GSTO2: variants seen among roughly 807,000 people sequenced by gnomAD.
The protein encoded by GSTO2 is glutathione S-transferase omega-2.
A neutral mutation model predicts 28.4 loss-of-function variants in GSTO2; 23 were observed. The observed-to-expected ratio is 0.81, with a 90% CI of 0.58 to 1.15. The LOEUF (loss-of-function observed/expected upper bound fraction) is 1.15, where lower values mean the gene tolerates loss of function less well. Ranked by LOEUF, GSTO2 falls within the 50% of genes most tolerant of loss-of-function variation. GSTO2 has a pLI of 0.00. For synonymous variants in GSTO2, 109 were observed against 111.0 expected, an observed-to-expected ratio of 0.98 and a Z score of 0.11; for missense variants, 298 against 297.8, an observed-to-expected ratio of 1.00 and a Z score of 0.00.
intron 4 of GSTO2, 124 bp from the exon 5 acceptor site, chr10:104,279,246 G>T (rs1401526626): frequency 2.9e-6 from 2 of 691,736 alleles, no homozygotes; most frequent in African/African-American, 3.6e-5. Context: ...CAGGGAGCTG[G>T]GGGGTCTGAT....
chr10:104,269,603 G>A (rs1029827687), intron 1 of GSTO2, among the ~76,000 whole-genome samples: 1 of 152,226 alleles, frequency 6.6e-6, no homozygotes, highest in African/African-American at 2.4e-5. Context: ...AGTCCCACGT[G>A]TTTACGTGTT....
At chr10:104,276,374 T>C (rs1489025740) in intron 3 of GSTO2, among the ~76,000 whole-genome samples, 2 of 152,252 alleles carry the variant, frequency 1.3e-5, no homozygotes, top group Non-Finnish European at 2.9e-5. Flanking sequence ...TAGGAGCTGA[T>C]GTATTTCCTT....
intron 5 of GSTO2, among the ~76,000 whole-genome samples, chr10:104,293,327 G>T (rs2012861144): frequency 1.3e-5 from 2 of 152,134 alleles, no homozygotes; most frequent in Non-Finnish European, 2.9e-5. Context: ...GAAACAGGAA[G>T]GAAAACCGTA....
chr10:104,275,485 C>CT (rs1320513749), intron 3 of GSTO2, 151 bp downstream of exon 3: 95 of 652,498 alleles, frequency 1.5e-4, no homozygotes, highest in South Asian at 2.1e-4. Flanking sequence ...AAAGGGCGAG[C>CT]TTTTTTTTAG....
intron 5 of GSTO2, among the ~76,000 whole-genome samples, chr10:104,280,593 C>T (rs980591409): frequency 1.1e-4 from 16 of 152,110 alleles, no homozygotes; most frequent in African/African-American, 3.9e-4. Flanking sequence ...GAAATGGGTG[C>T]GGTGGCAGGA....
intron 4 of GSTO2, among the ~76,000 whole-genome samples, chr10:104,278,512 C>T (rs561133280): frequency 1.2e-3 from 185 of 152,194 alleles, no homozygotes; most frequent in African/African-American, 4.2e-3. Context: ...GACGGAGTCT[C>T]GCTCTGTCAC....
At chr10:104,295,535 G>T (rs1266524007) in intron 5 of GSTO2, 1 of 152,348 alleles carries the variant, frequency 6.6e-6, no homozygotes, top group Admixed American at 6.5e-5. Flanking sequence ...TATTTACTCA[G>T]TGGGGCCAGA....
At chr10:104,298,951 A>C (rs2013165737) in intron 6 of GSTO2, among the ~76,000 whole-genome samples, 177 bp from the exon 7 acceptor site, 1 of 152,256 alleles carries the variant, frequency 6.6e-6, no homozygotes, top group African/African-American at 2.4e-5. Flanking sequence ...ACATTCAACT[A>C]TTCCAAAAAT....
intron 5 of GSTO2, chr10:104,296,076 C>A (rs1240558998): frequency 6.6e-6 from 1 of 152,168 alleles, no homozygotes; most frequent in Non-Finnish European, 1.5e-5. Flanking sequence ...TTTGGGAAGA[C>A]CTGTACCAAC....
chr10:104,285,991 G>T (rs1207887173), intron 5 of GSTO2: 2 of 355,906 alleles, frequency 5.6e-6, no homozygotes, highest in Admixed American at 3.7e-5. Context: ...ACAATTTTCT[G>T]TATCCTTTTA....
intron 5 of GSTO2, among the ~76,000 whole-genome samples, chr10:104,292,862 A>G (rs146956510): frequency 1.4e-3 from 207 of 152,338 alleles, no homozygotes; most frequent in Non-Finnish European, 2.2e-3. Context: ...TCTAGATCTA[A>G]CACCCATTTT....
intron 5 of GSTO2, chr10:104,291,481 ACTG>A (rs1050117037): frequency 6.6e-6 from 1 of 150,510 alleles, no homozygotes; most frequent in African/African-American, 2.5e-5. Context: ...TCTCGCGAAA[ACTG>A]CAGATTTCTT....
At chr10:104,273,944 C>T (rs2011516952) in intron 1 of GSTO2, among the ~76,000 whole-genome samples, 2 of 152,274 alleles carry the variant, frequency 1.3e-5, no homozygotes, top group South Asian at 4.1e-4. Flanking sequence ...CTACAAAATG[C>T]ATTTACAAGC....
rs372755366 is a variant in GSTO2, at chr10:104,279,453, A to G, written c.450A>G (p.Glu150=). 4 of 1,613,878 alleles carry G rather than the reference A, an allele frequency of 2.5e-6. No individual in the cohort carries two copies. The African/African-American group carries it at 4.0e-5, about 16-fold the overall frequency. The stretch of plus-strand genomic sequence containing the variant: ...ATCTGAAGGCAGCCCTGCGTCAGGA[A>G]TTCAGCAACCTGGAAGAGGTACAAA... ...CTNLKAALRQ[E]FSNLEEILEY... Residue 150 remains glutamate, a synonymous_variant, in exon 5 of 7, where the codon GAA becomes GAG. Coordinates refer to ENST00000338595, the MANE Select transcript of GSTO2 (RefSeq NM_183239.2).
intron 5 of GSTO2, among the ~76,000 whole-genome samples, chr10:104,282,076 A>G (rs778659925): frequency 6.6e-6 from 1 of 151,792 alleles, no homozygotes; most frequent in Non-Finnish European, 1.5e-5. Context: ...GATGGTGAGT[A>G]ATTGAAGCCT....
intron 5 of GSTO2, among the ~76,000 whole-genome samples, chr10:104,280,164 A>C (rs703346): frequency 1.1e-5 from 1 of 92,546 alleles, no homozygotes. Flanking sequence ...AGTAGGACTG[A>C]CAAAAAAAAA....
intron 5 of GSTO2, among the ~76,000 whole-genome samples, chr10:104,287,928 C>T (rs1009391707): frequency 2.7e-5 from 4 of 146,178 alleles, no homozygotes; most frequent in Non-Finnish European, 6.0e-5. Flanking sequence ...CGCTCTGTCG[C>T]CCAGGCTGGA....
At chr10:104,285,731 G>T (rs2012384670) in intron 5 of GSTO2, among the ~76,000 whole-genome samples, 1 of 152,104 alleles carries the variant, frequency 6.6e-6, no homozygotes, top group South Asian at 2.1e-4. Flanking sequence ...GCCTCCCAAA[G>T]TGCTATGATT....
intron 5 of GSTO2, among the ~76,000 whole-genome samples, chr10:104,282,906 T>C (rs550712345): frequency 2.4e-3 from 364 of 152,334 alleles, no homozygotes; most frequent in Middle Eastern, 3.4e-3. Flanking sequence ...GGAATGGTTT[T>C]ATGGGCTAGG....
Sources: gnomAD v4.1 joint callset for allele counts (sites outside exome capture counted in the v4.1 genomes callset) on GRCh38, gnomAD v4.1.1 for gene constraint, MANE v1.5 for transcripts, NCBI Gene and HGNC (gene_info 2026-07-23, HGNC 2026-07-21) for gene names.